The following PLCG2 variants were observed in gnomAD, a reference collection of about 807,000 sequenced individuals.
PLCG2 encodes phospholipase C gamma 2.
PLCG2 carries 69 observed loss-of-function variants against 175.6 expected under a neutral mutation model. That is an observed-to-expected ratio of 0.39 (90% CI 0.32 to 0.48). The LOEUF is 0.48. Among genes scored for constraint, PLCG2 ranks in the 20% least tolerant of loss-of-function variants. The pLI, the probability that PLCG2 is intolerant of heterozygous loss-of-function variation, is 0.91. For missense variants in PLCG2, 1,798 were observed against 1,650.9 expected, an observed-to-expected ratio of 1.09 and a Z score of -1.54; for synonymous variants, 827 against 624.0, an observed-to-expected ratio of 1.33 and a Z score of -4.85.
intron 2 of PLCG2, among the ~76,000 whole-genome samples, chr16:81,761,411 G>A (rs924591828): frequency 2.6e-5 from 4 of 152,178 alleles, no homozygotes; most frequent in African/African-American, 9.7e-5. Context: ...TAAGTGTATT[G>A]TAATTATGAA....
Position 81,891,572 on chromosome 16 carries a change from T to G in PLCG2, c.968T>G (p.Ile323Ser). ...DMNNPLSHYWISSSHNTYLTG... is the reference protein window; with the variant it reads ...DMNNPLSHYWSSSSHNTYLTG... ...AACAACCCCCTGTCTCATTACTGGA[T>G]CTCCTCGTCACATAACACGTGAGTT... The change falls in exon 11 of 33, where the codon ATC becomes AGC. Residue 323 changes from isoleucine (I) to serine (S), a missense_variant. Physicochemically the swap from Ile to Ser is moderately radical, Grantham distance 142. Coordinates refer to ENST00000564138, the MANE Select transcript of PLCG2 (RefSeq NM_002661.5). The G allele has an allele frequency of 6.3e-7, 1 of 1,591,850 alleles. No individual in the cohort carries two copies. Among genetic ancestry groups the G allele is most frequent in the South Asian group, 1.1e-5 (1 of 90,666 alleles).
At chr16:81,787,931 C>T (rs1004930654) in intron 2 of PLCG2, among the ~76,000 whole-genome samples, 5 of 152,160 alleles carry the variant, frequency 3.3e-5, no homozygotes, top group South Asian at 2.1e-4. Flanking sequence ...AATCACGATA[C>T]GTTGTATGGG....
chr16:81,889,773 G>C (rs1908544692), intron 10 of PLCG2, among the ~76,000 whole-genome samples: 3 of 152,100 alleles, frequency 2.0e-5, no homozygotes, highest in African/African-American at 7.2e-5. Flanking sequence ...TCGTGCCTCA[G>C]CCTCCCGAGT....
At chr16:81,873,328 A>G (rs553082271) in intron 7 of PLCG2, among the ~76,000 whole-genome samples, 48 of 152,332 alleles carry the variant, frequency 3.2e-4, no homozygotes, top group African/African-American at 9.6e-4. Flanking sequence ...CACAACAAAA[A>G]CCATGATTCA....
At position 81,905,453 on chromosome 16, in the gene PLCG2, G is replaced by C; in HGVS notation, c.1413G>C (p.Lys471Asn). ...ATGTGGATGTCAACATGGAGGACAAGAAGGACGAACACAAGCAACAGGGGG... is the reference window on the plus strand; with the variant it reads ...ATGTGGATGTCAACATGGAGGACAACAAGGACGAACACAAGCAACAGGGGG... The part of the protein sequence containing the change: ...RGDVDVNMED[K>N]KDEHKQQGEL... Residue 471 changes from lysine (K) to asparagine (N), a missense_variant, in exon 15 of 33, where the codon AAG becomes AAC. Transcript: ENST00000564138. The C allele has an allele frequency of 6.2e-7, 1 of 1,614,206 alleles. No individual in the cohort carries two copies. Among genetic ancestry groups the C allele is most frequent in the South Asian group, 1.1e-5 (1 of 91,088 alleles).
At chr16:81,943,387 G>A (rs1450829008) in intron 30 of PLCG2, among the ~76,000 whole-genome samples, 1 of 152,098 alleles carries the variant, frequency 6.6e-6, no homozygotes, top group Non-Finnish European at 1.5e-5. Context: ...TAGTGAAGGG[G>A]GAGGTACTAC....
chr16:81,905,566 G>T, intron 15 of PLCG2, 59 bp downstream of exon 15: 1 of 1,105,680 alleles, frequency 9.0e-7, no homozygotes, highest in South Asian at 1.3e-5. Context: ...CTGCTTCTTG[G>T]AGCCCTGCTG....
intron 2 of PLCG2, among the ~76,000 whole-genome samples, chr16:81,819,035 T>C (rs1312609774): frequency 1.3e-5 from 2 of 152,014 alleles, no homozygotes; most frequent in African/African-American, 4.8e-5. Flanking sequence ...ACTCCTTCAA[T>C]TTGCAGAGGA....
chr16:81,840,769 G>A (rs1160962184), intron 2 of PLCG2, among the ~76,000 whole-genome samples: 1 of 152,214 alleles, frequency 6.6e-6, no homozygotes, highest in Non-Finnish European at 1.5e-5. Flanking sequence ...CCAGTTCATG[G>A]CCTGGGGATT....
At chr16:81,893,095 G>A (rs947635690) in intron 11 of PLCG2, among the ~76,000 whole-genome samples, 1 of 152,092 alleles carries the variant, frequency 6.6e-6, no homozygotes, top group Admixed American at 6.6e-5. Context: ...ACCTGACCTC[G>A]TGATCTGCCC....
At chr16:81,897,980 C>T (rs1948852914) in intron 13 of PLCG2, 5 of 414,892 alleles carry the variant, frequency 1.2e-5, no homozygotes, top group South Asian at 1.8e-5. Context: ...ATTTCTCCAT[C>T]GCAGCATTCT....
chr16:81,820,426 C>G (rs1339167267), intron 2 of PLCG2, among the ~76,000 whole-genome samples: 2 of 152,130 alleles, frequency 1.3e-5, no homozygotes, highest in Non-Finnish European at 2.9e-5. Context: ...AAACAGTAGA[C>G]TGTGTTTTGC....
chr16:81,778,047 A>ACAAAC (rs1231151837), upstream of PLCG2, among the ~76,000 whole-genome samples: 379 of 74,640 alleles, frequency 5.1e-3, 13 homozygotes, highest in African/African-American at 0.022. Flanking sequence ...AAAAAACAAA[A>ACAAAC]AAAAAAACAA....
At chr16:81,953,959 C>G (rs1458762071) in intron 31 of PLCG2, among the ~76,000 whole-genome samples, 5 of 152,188 alleles carry the variant, frequency 3.3e-5, no homozygotes, top group Non-Finnish European at 7.4e-5. Flanking sequence ...CCATTTTCTT[C>G]TAGGTGCAGA....
At chr16:81,912,548 C>T in intron 18 of PLCG2, 49 bp from the exon 19 acceptor site, 1 of 1,603,680 alleles carries the variant, frequency 6.2e-7, no homozygotes, top group Non-Finnish European at 8.5e-7. Context: ...GGCCCACTGA[C>T]AGCCTGGAGA....
intron 14 of PLCG2, among the ~76,000 whole-genome samples, chr16:81,903,168 G>C (rs908754555): frequency 1.3e-5 from 2 of 152,218 alleles, no homozygotes; most frequent in African/African-American, 2.4e-5. Flanking sequence ...GCAGTAGGCA[G>C]AGAAGGGGGA....
chr16:81,915,097 T>C lies in PLCG2; in HGVS notation c.2054+2381T>C, dbSNP rs551464971. On this transcript the variant is annotated intron_variant, in intron 19 of 32. Transcript: ENST00000564138. ...CCTTCACTGAGAAGCACTGAGGAGGTTTGAGCACATAAGGAAATCAGTGTA... is the reference window on the plus strand; with the variant it reads ...CCTTCACTGAGAAGCACTGAGGAGGCTTGAGCACATAAGGAAATCAGTGTA... 4.0e-5 allele frequency among the ~76,000 whole-genome samples: 6 copies of C among 150,954 alleles called. No homozygotes were observed. The South Asian group carries it at 1.3e-3, about 32-fold the overall frequency.
intron 1 of PLCG2, among the ~76,000 whole-genome samples, chr16:81,743,975 C>T (rs1209916925): frequency 1.3e-5 from 2 of 151,884 alleles, no homozygotes; most frequent in African/African-American, 2.4e-5. Flanking sequence ...TCTCCTGCCT[C>T]GGCCTCCCAA....
At chr16:81,758,532 G>A (rs757658472) in intron 2 of PLCG2, among the ~76,000 whole-genome samples, 1 of 152,130 alleles carries the variant, frequency 6.6e-6, no homozygotes, top group Non-Finnish European at 1.5e-5. Flanking sequence ...GCCTTGCTGA[G>A]TCATACAGTA....
Sources: gnomAD v4.1 joint callset for allele counts (sites outside exome capture counted in the v4.1 genomes callset) on GRCh38, gnomAD v4.1.1 for gene constraint, MANE v1.5 for transcripts, NCBI Gene and HGNC (gene_info 2026-07-23, HGNC 2026-07-21) for gene names.